The following CDYL variants were observed in gnomAD, a reference collection of about 807,000 sequenced individuals.
CDYL encodes the protein chromodomain Y-like protein.
In CDYL, 8 loss-of-function variants were observed where a neutral mutation model predicts 47.3. The observed-to-expected ratio is 0.17, with a 90% CI of 0.10 to 0.31. CDYL has a LOEUF of 0.31. Ranked by LOEUF, CDYL falls within the 10% of genes least tolerant of loss-of-function variation. CDYL has a pLI of 1.00. For synonymous variants in CDYL, 266 were observed against 265.0 expected (o/e 1.00, Z -0.04); for missense variants, 471 against 701.4 (o/e 0.67, Z 3.71).
At chr6:4,776,840 C>T (rs1758469401) in intron 1 of CDYL, 33 bp downstream of exon 1, 2 of 828,204 alleles carry the variant, frequency 2.4e-6, no homozygotes, top group East Asian at 1.1e-4. Flanking sequence ...CGGGCCGCCC[C>T]CCGCCCGCCG....
At chr6:4,807,078 G>A (rs1458763461) in intron 1 of CDYL, among the ~76,000 whole-genome samples, 5 of 152,094 alleles carry the variant, frequency 3.3e-5, no homozygotes, top group South Asian at 2.1e-4. Context: ...AAATTTCTTC[G>A]TATGAGGACA....
At chr6:4,709,154 G>A (rs547671642) in intron 1 of CDYL, among the ~76,000 whole-genome samples, 5 of 152,138 alleles carry the variant, frequency 3.3e-5, no homozygotes, top group Non-Finnish European at 7.4e-5. Flanking sequence ...TTAGGGATAA[G>A]GCTGTTTGTC....
At chr6:4,862,446 T>G (rs1188675150) in intron 1 of CDYL, among the ~76,000 whole-genome samples, 1 of 152,150 alleles carries the variant, frequency 6.6e-6, no homozygotes, top group Non-Finnish European at 1.5e-5. Flanking sequence ...GAGAGTAATT[T>G]TTACCTGAGC....
chr6:4,707,248 T>C (rs1313573312), intron 1 of CDYL, among the ~76,000 whole-genome samples: 1 of 152,168 alleles, frequency 6.6e-6, no homozygotes, highest in Non-Finnish European at 1.5e-5. Context: ...AGTGAGCAAA[T>C]GACTAAACTG....
intron 1 of CDYL, among the ~76,000 whole-genome samples, chr6:4,805,631 G>C (rs1378261206): frequency 6.6e-6 from 1 of 152,188 alleles, no homozygotes; most frequent in Non-Finnish European, 1.5e-5. Context: ...AGGGGAGCCA[G>C]TGGCGTAAAG....
intron 3 of CDYL, among the ~76,000 whole-genome samples, chr6:4,758,349 TAA>T (rs1274065342): frequency 1.1e-4 from 5 of 47,398 alleles, no homozygotes; most frequent in African/African-American, 2.4e-4. Flanking sequence ...TGAAAATAAA[TAA>T]ATATATATAT....
chr6:4,756,580 A>ATGTGTGTG (rs4053260), intron 3 of CDYL, among the ~76,000 whole-genome samples: 1,918 of 142,902 alleles, frequency 0.013, 29 homozygotes, highest in African/African-American at 0.033. Context: ...TATCGTGTGT[A>ATGTGTGTG]TGTGTGTGTG....
chr6:4,858,775 G>A (rs558150993), intron 1 of CDYL, among the ~76,000 whole-genome samples: 11 of 152,352 alleles, frequency 7.2e-5, no homozygotes, highest in African/African-American at 2.6e-4. Context: ...AGCTCTTCCA[G>A]TTACTGCTCC....
chr6:4,735,339 T>C (rs959147217), intron 3 of CDYL, among the ~76,000 whole-genome samples: 1 of 152,048 alleles, frequency 6.6e-6, no homozygotes, highest in African/African-American at 2.4e-5. Context: ...AAATAAAATA[T>C]ACAGGACTAC....
intron 1 of CDYL, among the ~76,000 whole-genome samples, chr6:4,847,198 G>A (rs1001180727): frequency 6.6e-6 from 1 of 152,172 alleles, no homozygotes; most frequent in Non-Finnish European, 1.5e-5. Flanking sequence ...CCCTCCTAGA[G>A]ATTGGTATTC....
intron 1 of CDYL, among the ~76,000 whole-genome samples, chr6:4,840,298 C>CT (rs145648250): frequency 0.023 from 3,509 of 152,152 alleles, 142 homozygotes; most frequent in African/African-American, 0.08. Flanking sequence ...GTTCTAGGAG[C>CT]TTTTTGGAAG....
intron 2 of CDYL, among the ~76,000 whole-genome samples, chr6:4,933,615 T>C (rs1324013894): frequency 6.6e-6 from 1 of 152,114 alleles, no homozygotes; most frequent in African/African-American, 2.4e-5. Flanking sequence ...TGTCAAACGT[T>C]TTTAAACAAA....
chr6:4,820,541 C>T (rs556945024), intron 1 of CDYL, among the ~76,000 whole-genome samples: 6 of 152,248 alleles, frequency 3.9e-5, no homozygotes, highest in Admixed American at 2.0e-4. Context: ...CTTGGACCTT[C>T]GGGAGGCATC....
At chr6:4,886,174 T>C (rs754550609) in intron 1 of CDYL, among the ~76,000 whole-genome samples, 7 of 152,226 alleles carry the variant, frequency 4.6e-5, no homozygotes, top group Admixed American at 1.3e-4. Flanking sequence ...GTTTCTACTT[T>C]TTGAGTATTA....
At chr6:4,828,252 C>CTTTTTTT (rs11324291) in intron 1 of CDYL, among the ~76,000 whole-genome samples, 1 of 79,134 alleles carries the variant, frequency 1.3e-5, no homozygotes, top group Non-Finnish European at 2.5e-5. Flanking sequence ...TAACTTTCAG[C>CTTTTTTT]TTTTTTTTTT....
At chr6:4,936,010 G>A (rs947837394) in intron 3 of CDYL, among the ~76,000 whole-genome samples, 7 of 152,140 alleles carry the variant, frequency 4.6e-5, no homozygotes, top group African/African-American at 1.4e-4. Context: ...CCATTCTCCC[G>A]GGTGTGGGTC....
intron 3 of CDYL, among the ~76,000 whole-genome samples, chr6:4,735,298 A>AG (rs1472961342): frequency 1.3e-5 from 2 of 151,890 alleles, no homozygotes; most frequent in African/African-American, 4.8e-5. Flanking sequence ...CTCAAAAAAA[A>AG]GAAAAAAAAA....
At chr6:4,939,420 G>A (rs1019205342) in intron 4 of CDYL, among the ~76,000 whole-genome samples, 32 of 152,154 alleles carry the variant, frequency 2.1e-4, no homozygotes, top group Admixed American at 9.2e-4. Context: ...GGTTGAAGGG[G>A]ATTGCCTTAG....
At position 4,886,378 on chromosome 6, in the gene CDYL, C is replaced by T. The variant is rs559452717; in HGVS notation, c.25-5335C>T. On this transcript the variant is annotated intron_variant, in intron 1 of 6. Transcript: ENST00000397588. ...GTACATGACAGTTCCCATTCCTTTCCACCCTCACCACTACTTACCCTTTTT... is the reference window on the plus strand; with the variant it reads ...GTACATGACAGTTCCCATTCCTTTCTACCCTCACCACTACTTACCCTTTTT... Among the ~76,000 whole-genome samples the T allele has an allele frequency of 3.9e-5, 6 of 152,262 alleles. 1 individual carries two copies. The highest frequency in any genetic ancestry group is 1.4e-4 in the African/African-American group (6 of 41,538).
Sources: allele counts gnomAD v4.1 joint callset (sites outside exome capture counted in the v4.1 genomes callset), GRCh38; gene constraint gnomAD v4.1.1; transcripts MANE v1.5; gene names NCBI Gene and HGNC (gene_info 2026-07-23, HGNC 2026-07-21).